Variants in NKD1 observed in about 807,000 individuals in gnomAD.
NKD1 encodes the protein protein naked cuticle homolog 1.
Under a neutral mutation model 56.0 loss-of-function variants are expected in NKD1, and 21 were observed. The observed-to-expected ratio is 0.38, with a 90% CI of 0.27 to 0.54. The LOEUF (loss-of-function observed/expected upper bound fraction) is 0.54, where lower values mean the gene tolerates loss of function less well. NKD1 is among the 20% of genes least tolerant of loss of function. The pLI is 0.82. For missense variants in NKD1, 578 were observed against 642.7 expected (o/e 0.90, Z 1.09); for synonymous variants, 263 against 265.7 (o/e 0.99, Z 0.10).
chr16:50,548,604 C>T (rs1960290449), intron 1 of NKD1, 26 bp downstream of exon 1: 1 of 1,451,106 alleles, frequency 6.9e-7, no homozygotes, highest in Non-Finnish European at 9.0e-7. Flanking sequence ...CGCGCGCTCG[C>T]CCCGGGCCCC....
chr16:50,567,553 A>C (rs887637558), intron 3 of NKD1, among the ~76,000 whole-genome samples: 6 of 151,372 alleles, frequency 4.0e-5, no homozygotes, highest in Admixed American at 3.3e-4. Context: ...TGCCTTTTAC[A>C]CTCTGATCTC....
intron 3 of NKD1, chr16:50,607,269 A>G: frequency 1.1e-5 from 3 of 266,458 alleles, no homozygotes; most frequent in Non-Finnish European, 2.3e-5. Flanking sequence ...TGATGAGATC[A>G]GCAATACAAA....
Position 50,633,790 on chromosome 16 carries a change from C to A in NKD1, c.*9C>A. 7.1e-7 allele frequency: 1 copy of A among 1,416,744 alleles called. No homozygotes were observed. Among genetic ancestry groups the A allele is most frequent in the Non-Finnish European group, 9.4e-7 (1 of 1,060,476 alleles). The allele number at this position is 1,416,744 out of a possible 1,614,324, so 87.8% of individuals were successfully genotyped here. A position where few individuals can be genotyped will look rare whatever the true frequency, so the allele number is the denominator to read the frequency against. On this transcript the variant is annotated 3_prime_UTR_variant, in exon 10 of 10. Coordinates refer to ENST00000268459, the MANE Select transcript of NKD1 (RefSeq NM_033119.5). The surrounding 1 kb of genome is among the most constrained non-coding windows in gnomAD (Gnocchi z 4.9). ...ACTTCTACCAGACATAGAGCCCCTC[C>A]CCAGGGCCCCACCCTGCCATATGAA...
rs1430753509 is a variant in NKD1 at position 50,648,776 on chromosome 16, C to CT, written c.*14997dup. The CT allele has an allele frequency of 2.0e-5, 3 of 152,200 alleles. No individual in the cohort carries two copies. Among genetic ancestry groups the CT allele is most frequent in the Admixed American group, 2.0e-4 (3 of 15,278 alleles). 9.4% of individuals were successfully genotyped at this position (152,200 alleles called of 1,614,324 possible). On this transcript the variant is annotated 3_prime_UTR_variant, in exon 10 of 10. Coordinates refer to ENST00000268459, the MANE Select transcript of NKD1 (RefSeq NM_033119.5). ...CTGGGAATCTCCTTTAAAAAGAGAG[C>CT]TTGTTTATACCTATTGTCATCTCTG...
chr16:50,568,583 C>A (rs1312831792), intron 3 of NKD1, among the ~76,000 whole-genome samples: 1 of 152,164 alleles, frequency 6.6e-6, no homozygotes, highest in East Asian at 1.9e-4. Flanking sequence ...CTTCCTTCAT[C>A]CACATTCCTG....
intron 4 of NKD1, among the ~76,000 whole-genome samples, chr16:50,615,863 TACAA>T (rs907233580): frequency 2.6e-5 from 4 of 152,210 alleles, no homozygotes; most frequent in African/African-American, 9.7e-5. Flanking sequence ...TGGCTGTGTT[TACAA>T]ACAGAGGTGG....
intron 3 of NKD1, 22 bp from the exon 4 acceptor site, chr16:50,608,272 C>CCT: frequency 6.3e-7 from 1 of 1,589,286 alleles, no homozygotes; most frequent in Non-Finnish European, 8.6e-7. Flanking sequence ...CTGCTCAATG[C>CCT]CTCTGCTCTG....
At position 50,633,077 on chromosome 16, in the gene NKD1, CA is replaced by C; in HGVS notation, c.824-114del. On this transcript the variant is annotated intron_variant, in intron 9 of 9. Coordinates refer to ENST00000268459, the MANE Select transcript of NKD1 (RefSeq NM_033119.5). The surrounding 1 kb of genome is among the most constrained non-coding windows in gnomAD (Gnocchi z 4.9). ...GCAAGGCAGTGAGGGGCAGTCAGGG[CA>C]TTGGGGGGTAGCTCTGGTTTTGGAG... is the stretch of plus-strand genomic sequence containing the variant. The C allele has an allele frequency of 5.4e-6, 5 of 918,404 alleles. No homozygotes were observed. The South Asian group carries it at 9.9e-5, about 18-fold the overall frequency. 56.9% of individuals were successfully genotyped at this position (918,404 alleles called of 1,614,324 possible). A position where few individuals can be genotyped will look rare whatever the true frequency, so the allele number is the denominator to read the frequency against.
intron 3 of NKD1, among the ~76,000 whole-genome samples, chr16:50,551,249 G>A (rs776388093): frequency 1.2e-4 from 19 of 152,172 alleles, no homozygotes; most frequent in Non-Finnish European, 2.4e-4. Context: ...GGGTGGGGAG[G>A]GGGCCCCAGC....
chr16:50,569,303 A>G (rs1960833403), intron 3 of NKD1, among the ~76,000 whole-genome samples: 1 of 152,112 alleles, frequency 6.6e-6, no homozygotes, highest in Admixed American at 6.5e-5. Context: ...CCTGCTTCCA[A>G]GGTTCTGCTT....
intron 3 of NKD1, among the ~76,000 whole-genome samples, chr16:50,602,754 G>A (rs1216994486): frequency 6.6e-6 from 1 of 152,218 alleles, no homozygotes; most frequent in Non-Finnish European, 1.5e-5. Flanking sequence ...TCCTGTGAGG[G>A]CTCCTTTGCC....
chr16:50,549,640 G>A, intron 3 of NKD1, 85 bp downstream of exon 3: 1 of 1,245,676 alleles, frequency 8.0e-7, no homozygotes. Context: ...CCAACTTTGA[G>A]CACTTTCCTG....
In NKD1 at chr16:50,639,253, G is replaced by C. The variant is rs939555239; in HGVS notation, c.*5472G>C. The C allele has an allele frequency of 6.6e-5, 10 of 152,236 alleles. No individual in the cohort carries two copies. Among genetic ancestry groups the C allele is most frequent in the African/African-American group, 2.4e-4 (10 of 41,544 alleles). The allele number at this position is 152,236 out of a possible 1,614,324, so 9.4% of individuals were successfully genotyped here. ...AATGACCTCAGAGGGCCCGATTTGA[G>C]GGAAATGCCTAACTTCAGGGGCCGT... On this transcript the variant is annotated 3_prime_UTR_variant, in exon 10 of 10. Coordinates refer to ENST00000268459, the MANE Select transcript of NKD1 (RefSeq NM_033119.5).
chr16:50,642,215 T>G lies in NKD1; in HGVS notation c.*8434T>G, dbSNP rs1962592654. 1.3e-5 allele frequency: 2 copies of G among 152,234 alleles called. No homozygotes were observed. The highest frequency in any genetic ancestry group is 1.5e-5 in the Non-Finnish European group (1 of 68,066). 9.4% of individuals were successfully genotyped at this position (152,234 alleles called of 1,614,324 possible). ...TCCCCGAGTGGCCACATGGGCAGTC[T>G]CAGTAGGAGTCTCAGGCCAGGCTCT... On this transcript the variant is annotated 3_prime_UTR_variant, in exon 10 of 10. Coordinates refer to ENST00000268459, the MANE Select transcript of NKD1 (RefSeq NM_033119.5).
At chr16:50,605,361 G>A (rs140163291) in intron 3 of NKD1, among the ~76,000 whole-genome samples, 1,916 of 152,250 alleles carry the variant, frequency 0.013, 43 homozygotes, top group African/African-American at 0.044. Context: ...TATACCTCTC[G>A]CTTTACAATT....
intron 3 of NKD1, among the ~76,000 whole-genome samples, chr16:50,584,217 C>T (rs1961179609): frequency 6.6e-6 from 1 of 152,174 alleles, no homozygotes; most frequent in African/African-American, 2.4e-5. Context: ...ATGTCCTATC[C>T]CTCCAGCAGG....
At chr16:50,631,647 G>A (rs2151281218) in intron 8 of NKD1, among the ~76,000 whole-genome samples, 1 of 152,332 alleles carries the variant, frequency 6.6e-6, no homozygotes, top group South Asian at 2.1e-4. Flanking sequence ...TGTGTGGGAA[G>A]GAAGCCAGGA....
chr16:50,590,303 C>T (rs913427257), intron 3 of NKD1, among the ~76,000 whole-genome samples: 1 of 152,224 alleles, frequency 6.6e-6, no homozygotes, highest in African/African-American at 2.4e-5. Flanking sequence ...TAGAACACAT[C>T]AGATCCTCAT....
Position 50,569,279 on chromosome 16 carries a change from T to C in NKD1, c.192+19724T>C, listed in dbSNP as rs146644146. On this transcript the variant is annotated intron_variant, in intron 3 of 9. Coordinates refer to ENST00000268459, the MANE Select transcript of NKD1 (RefSeq NM_033119.5). ...TGCTACAGCGTTTTAGCGCCCAGAATTCTGGCCCCTTTTCCTGCTTCCAAG... is the reference window on the plus strand; with the variant it reads ...TGCTACAGCGTTTTAGCGCCCAGAACTCTGGCCCCTTTTCCTGCTTCCAAG... Among the ~76,000 whole-genome samples the C allele has an allele frequency of 1.3e-4, 20 of 152,338 alleles. No individual in the cohort carries two copies. In the East Asian group the frequency reaches 3.7e-3, roughly 28 times the overall value.
Sources: allele counts gnomAD v4.1 joint callset (sites outside exome capture counted in the v4.1 genomes callset), GRCh38; gene constraint gnomAD v4.1.1; non-coding constraint Gnocchi (gnomAD v3.1); transcripts MANE v1.5; gene names NCBI Gene and HGNC (gene_info 2026-07-23, HGNC 2026-07-21).